MAP2K5: variants seen among roughly 807,000 people sequenced by gnomAD.
The protein encoded by MAP2K5 is mitogen-activated protein kinase kinase 5, also known as dual specificity mitogen-activated protein kinase kinase 5.
MAP2K5 carries 49 observed loss-of-function variants against 83.1 expected under a neutral mutation model. The ratio of observed to expected loss-of-function variants is 0.59; its 90% CI spans 0.47 to 0.75. MAP2K5 has a LOEUF of 0.75. MAP2K5 is among the 30% of genes least tolerant of loss of function. The pLI is 0.00. For missense variants in MAP2K5, 457 were observed against 557.5 expected (o/e 0.82, Z 1.82); for synonymous variants, 202 against 191.8 (o/e 1.05, Z -0.44).
Position 67,769,799 on chromosome 15 carries a change from G to A in MAP2K5, c.1196+136G>A. 1 of 723,818 alleles carries A rather than the reference G, an allele frequency of 1.4e-6. No individual in the cohort carries two copies. Among genetic ancestry groups the A allele is most frequent in the South Asian group, 1.8e-5 (1 of 56,278 alleles). The allele number at this position is 723,818 out of a possible 1,614,324, so 44.8% of individuals were successfully genotyped here. A position where few individuals can be genotyped will look rare whatever the true frequency, so the allele number is the denominator to read the frequency against. On this transcript the variant is annotated intron_variant, in intron 20 of 21. Coordinates refer to ENST00000178640, the MANE Select transcript of MAP2K5 (RefSeq NM_145160.3). This position sits in a 1 kb window ranked among gnomAD's most constrained non-coding sequence, Gnocchi z 5.2. ...GGACTTCGGGGCCTTGGGCAGATGG[G>A]GCAGCAAAGCTGAAGAAATTGTTTA...
rs2088334179 is a variant in MAP2K5, at chr15:67,698,874, G to A, written c.973-4463G>A. ...AACATTAACTGAGCATTCCCATGTGGCACGTACTGAAGCACATTACGGGAT... is the reference window on the plus strand; with the variant it reads ...AACATTAACTGAGCATTCCCATGTGACACGTACTGAAGCACATTACGGGAT... On this transcript the variant is annotated intron_variant, in intron 15 of 21. Transcript: ENST00000178640. This position sits in a 1 kb window ranked among gnomAD's most constrained non-coding sequence, Gnocchi z 4.5. Among the ~76,000 whole-genome samples, 1 of 152,176 alleles carries A rather than the reference G, an allele frequency of 6.6e-6. No homozygotes were observed. The highest frequency in any genetic ancestry group is 1.5e-5 in the Non-Finnish European group (1 of 68,022).
chr15:67,631,688 T>C (rs939398141), intron 9 of MAP2K5, among the ~76,000 whole-genome samples: 5 of 152,172 alleles, frequency 3.3e-5, no homozygotes, highest in African/African-American at 1.2e-4. Flanking sequence ...TCATACTTCA[T>C]CTCTGCCAAA....
chr15:67,802,894 C>T lies in MAP2K5; in HGVS notation c.1243-3752C>T, dbSNP rs1936848712. Among the ~76,000 whole-genome samples, 1 of 152,204 alleles carries T rather than the reference C, an allele frequency of 6.6e-6. No homozygotes were observed. The highest frequency in any genetic ancestry group is 1.5e-5 in the Non-Finnish European group (1 of 68,034). The stretch of plus-strand genomic sequence containing the variant: ...CACCCAAGCCCAGGGGAGGGACCAG[C>T]CGCAGGGGCTGGAGACTGCAAGGAG... On this transcript the variant is annotated intron_variant, in intron 21 of 21. Transcript: ENST00000178640. The surrounding 1 kb of genome is among the most constrained non-coding windows in gnomAD (Gnocchi z 5.0).
intron 16 of MAP2K5, among the ~76,000 whole-genome samples, chr15:67,709,837 C>T (rs568281539): frequency 2.0e-5 from 3 of 152,280 alleles, no homozygotes; most frequent in South Asian, 4.1e-4. Flanking sequence ...TTGCAATTTG[C>T]AGTATTTAGG....
chr15:67,634,367 CAAAAAAAAAAAAAAAAAAAAAAA>C (rs71142390), intron 9 of MAP2K5, among the ~76,000 whole-genome samples: 31 of 48,572 alleles, frequency 6.4e-4, no homozygotes, highest in South Asian at 2.3e-3. Flanking sequence ...GACCTCATCT[CAAAAAAAAAAAAAAAAAAAAAAA>C]AAAAAAAAAA....
intron 2 of MAP2K5, among the ~76,000 whole-genome samples, chr15:67,550,689 G>A (rs2084489921): frequency 6.6e-6 from 1 of 152,092 alleles, no homozygotes; most frequent in Non-Finnish European, 1.5e-5. Context: ...AGTAGCATAA[G>A]GGCCCGGATG....
chr15:67,568,225 T>G (rs1269188589), intron 3 of MAP2K5, among the ~76,000 whole-genome samples: 1 of 152,114 alleles, frequency 6.6e-6, no homozygotes, highest in Non-Finnish European at 1.5e-5. Context: ...AGTACAAGAG[T>G]CCTTATATTT....
At chr15:67,613,006 A>T (rs1332184645) in intron 8 of MAP2K5, among the ~76,000 whole-genome samples, 3 of 150,196 alleles carry the variant, frequency 2.0e-5, no homozygotes, top group Non-Finnish European at 4.4e-5. Context: ...TTAAAAGAGG[A>T]GTTATTTACA....
At chr15:67,711,943 T>C (rs565457365) in intron 16 of MAP2K5, among the ~76,000 whole-genome samples, 3 of 152,358 alleles carry the variant, frequency 2.0e-5, no homozygotes, top group African/African-American at 4.8e-5. Context: ...AATCTTTCAT[T>C]TATTACAAAC....
At chr15:67,706,584 T>G (rs2141219850) in intron 16 of MAP2K5, among the ~76,000 whole-genome samples, 1 of 152,184 alleles carries the variant, frequency 6.6e-6, no homozygotes, top group Non-Finnish European at 1.5e-5. Context: ...TGTTAGAGGT[T>G]GTAAAGAGGA....
intron 17 of MAP2K5, among the ~76,000 whole-genome samples, chr15:67,730,857 TATTAGA>T (rs1319851662): frequency 6.6e-6 from 1 of 152,082 alleles, no homozygotes; most frequent in Non-Finnish European, 1.5e-5. Context: ...TGAGCCAGAG[TATTAGA>T]ATTAGAATTA....
At chr15:67,649,271 A>T (rs932985665) in intron 11 of MAP2K5, among the ~76,000 whole-genome samples, 2 of 152,116 alleles carry the variant, frequency 1.3e-5, no homozygotes, top group Non-Finnish European at 2.9e-5. Flanking sequence ...AGAATTCTTT[A>T]TGTATTCTAA....
chr15:67,777,017 A>T lies in MAP2K5; in HGVS notation c.1242+4265A>T, dbSNP rs910619405. On this transcript the variant is annotated intron_variant, in intron 21 of 21. Transcript: ENST00000178640. The surrounding 1 kb of genome is among the most constrained non-coding windows in gnomAD (Gnocchi z 6.0). ...ATGTTTCTTTTCATCCAAAAACAGGAATTCATGACTGCTACATTTTTCAAA... is the reference window on the plus strand; with the variant it reads ...ATGTTTCTTTTCATCCAAAAACAGGTATTCATGACTGCTACATTTTTCAAA... 3.3e-5 allele frequency among the ~76,000 whole-genome samples: 5 copies of T among 152,212 alleles called. No individual in the cohort carries two copies. Among genetic ancestry groups the T allele is most frequent in the Admixed American group, 3.3e-4 (5 of 15,290 alleles).
At chr15:67,684,775 A>G (rs1301267223) in intron 13 of MAP2K5, among the ~76,000 whole-genome samples, 1 of 152,228 alleles carries the variant, frequency 6.6e-6, no homozygotes, top group African/African-American at 2.4e-5. Flanking sequence ...CAAGTTGAAC[A>G]TTTATTTTTC....
intron 8 of MAP2K5, among the ~76,000 whole-genome samples, chr15:67,608,478 G>T (rs1397089809): frequency 1.3e-5 from 2 of 152,150 alleles, no homozygotes; most frequent in African/African-American, 4.8e-5. Flanking sequence ...TCTGTTCTCA[G>T]GTATGCACAG....
At chr15:67,568,347 G>C (rs1025435417) in intron 3 of MAP2K5, among the ~76,000 whole-genome samples, 1 of 152,130 alleles carries the variant, frequency 6.6e-6, no homozygotes. Flanking sequence ...TTATAAATTG[G>C]GATATGATTG....
At position 67,600,708 on chromosome 15, in the gene MAP2K5, T is replaced by C. The variant is rs1475251493; in HGVS notation, c.504T>C (p.Tyr168=). The change falls in exon 8 of 22, where the codon TAT becomes TAC. Residue 168 remains tyrosine, a synonymous_variant. Transcript: ENST00000178640. The part of the protein sequence containing the change: ...NGQMNEQDIR[Y]RDTLGHGNGG... ...AGATGAATGAACAAGACATACGATA[T>C]CGGGACACTCTTGGTCATGGCAACG... 3 of 1,609,930 alleles carry C rather than the reference T, an allele frequency of 1.9e-6. No homozygotes were observed. Among genetic ancestry groups the C allele is most frequent in the Non-Finnish European group, 2.5e-6 (3 of 1,178,854 alleles).
At chr15:67,599,799 C>T (rs1170295349) in intron 7 of MAP2K5, among the ~76,000 whole-genome samples, 2 of 151,676 alleles carry the variant, frequency 1.3e-5, no homozygotes, top group African/African-American at 2.4e-5. Context: ...TTTTAAGCAT[C>T]TGGACCAGTG....
At chr15:67,646,764 C>T (rs78043334) in intron 11 of MAP2K5, among the ~76,000 whole-genome samples, 2,785 of 152,228 alleles carry the variant, frequency 0.018, 94 homozygotes, top group African/African-American at 0.063. Flanking sequence ...TCTGTCTTTA[C>T]TTGCAAAACA....
Sources: gnomAD v4.1 joint callset for allele counts (sites outside exome capture counted in the v4.1 genomes callset) on GRCh38, gnomAD v4.1.1 for gene constraint, Gnocchi (gnomAD v3.1) non-coding constraint, MANE v1.5 for transcripts, NCBI Gene and HGNC (gene_info 2026-07-23, HGNC 2026-07-21) for gene names.